ANKAR: variants seen among roughly 807,000 people sequenced by gnomAD.
ANKAR encodes the protein ankyrin and armadillo repeat-containing protein.
A neutral mutation model predicts 146.2 loss-of-function variants in ANKAR; 136 were observed. The ratio of observed to expected loss-of-function variants is 0.93; its 90% CI spans 0.81 to 1.07. The LOEUF is 1.07. ANKAR is among the 50% of genes least tolerant of loss of function. The probability of loss-of-function intolerance (pLI) is 0.00; values close to 1 mark genes in which losing one functional copy is unlikely to be tolerated. For missense variants in ANKAR, 1,567 were observed against 1,679.9 expected (o/e 0.93, Z 1.18); for synonymous variants, 500 against 575.8 (o/e 0.87, Z 1.88).
Position 189,733,088 on chromosome 2 carries a change from C to G in ANKAR, c.3301-19C>G. The G allele has an allele frequency of 6.3e-7, 1 of 1,590,832 alleles. No homozygotes were observed. The highest frequency in any genetic ancestry group is 8.5e-7 in the Non-Finnish European group (1 of 1,170,016). On this transcript the variant is annotated intron_variant, in intron 16 of 22. Coordinates refer to ENST00000684021, the MANE Select transcript of ANKAR (RefSeq NM_001378068.1). ...ATAAAGCATAATTGAAAAGTAATTTCTGAAAACCACATGTTTAGGTTGAAG... is the reference window on the plus strand; with the variant it reads ...ATAAAGCATAATTGAAAAGTAATTTGTGAAAACCACATGTTTAGGTTGAAG...
At position 189,693,195 on chromosome 2, in the gene ANKAR, AT is replaced by A. The variant is rs777575190; in HGVS notation, c.1307+20del. On this transcript the variant is annotated intron_variant, in intron 5 of 22. Coordinates refer to ENST00000684021, the MANE Select transcript of ANKAR (RefSeq NM_001378068.1). Reference sequence around the variant, plus strand: ...GGAAAAAGGTACGGAGCTTTCACTAATTACTGACATTAACTACAATTTTTTG... The same window carrying A: ...GGAAAAAGGTACGGAGCTTTCACTAATACTGACATTAACTACAATTTTTTG... 3 of 1,448,488 alleles carry A rather than the reference AT, an allele frequency of 2.1e-6. No homozygotes were observed. Among genetic ancestry groups the A allele is most frequent in the Non-Finnish European group, 1.9e-6 (2 of 1,054,314 alleles). 89.7% of individuals were successfully genotyped at this position (1,448,488 alleles called of 1,614,324 possible). A position where few individuals can be genotyped will look rare whatever the true frequency, so the allele number is the denominator to read the frequency against.
chr2:189,710,030 C>T (rs1012410551), intron 9 of ANKAR, among the ~76,000 whole-genome samples: 1 of 152,168 alleles, frequency 6.6e-6, no homozygotes, highest in Non-Finnish European at 1.5e-5. Context: ...CCTGCAATAG[C>T]TCTCCCTCCT....
rs1196027369 is a variant in ANKAR, at chr2:189,689,582, GA to G, written c.659del (p.Asn220MetfsTer18). On this transcript the variant is annotated frameshift_variant, in exon 3 of 23. Coordinates refer to ENST00000684021, the MANE Select transcript of ANKAR (RefSeq NM_001378068.1). LOFTEE classifies it high-confidence loss of function. ...TTAATGAAATCTATGATGAAGACGT[GA>G]ATGAAGATCCAACATATGATCCCAA... The part of the protein sequence containing the change: ...DFNEIYDEDV[N>X]EDPTYDPNSP... 5 of 1,611,812 alleles carry G rather than the reference GA, an allele frequency of 3.1e-6. No homozygotes were observed. The African/African-American group carries it at 5.3e-5, about 17-fold the overall frequency.
downstream of ANKAR, chr2:189,750,387 A>G: frequency 7.3e-6 from 3 of 412,506 alleles, no homozygotes; most frequent in South Asian, 4.7e-5. Flanking sequence ...GAAAAAAACT[A>G]TCTTCCCTTG....
At chr2:189,709,269 T>C (rs539567081) in intron 9 of ANKAR, among the ~76,000 whole-genome samples, 2 of 152,248 alleles carry the variant, frequency 1.3e-5, no homozygotes, top group African/African-American at 4.8e-5. Context: ...AAGAGCAACG[T>C]TGAAAGAGTT....
At chr2:189,742,627 T>C (rs552859308) in intron 20 of ANKAR, among the ~76,000 whole-genome samples, 25 of 152,238 alleles carry the variant, frequency 1.6e-4, no homozygotes, top group African/African-American at 6.0e-4. Flanking sequence ...TCAGCTTTCC[T>C]ATGTGTACCA....
At position 189,730,537 on chromosome 2, in the gene ANKAR, T is replaced by C; in HGVS notation, c.3236T>C (p.Val1079Ala). 1.2e-6 allele frequency: 2 copies of C among 1,605,084 alleles called. No homozygotes were observed. Among genetic ancestry groups the C allele is most frequent in the Non-Finnish European group, 1.7e-6 (2 of 1,174,954 alleles). Reference protein sequence around the residue: ...TSNPVSQQLVVDENAFPVLIQ... With the variant: ...TSNPVSQQLVADENAFPVLIQ... ...AATCCTGTCAGTCAACAATTGGTTGTAGATGAAAATGCCTTTCCAGTACTT... is the reference window on the plus strand; with the variant it reads ...AATCCTGTCAGTCAACAATTGGTTGCAGATGAAAATGCCTTTCCAGTACTT... The change falls in exon 16 of 23, where the codon GTA becomes GCA. Residue 1079 changes from valine (V) to alanine (A), a missense_variant. Coordinates refer to ENST00000684021, the MANE Select transcript of ANKAR (RefSeq NM_001378068.1).
downstream of ANKAR, chr2:189,761,340 ACTTTTAT>A (rs2047043119): frequency 6.9e-7 from 1 of 1,451,540 alleles, no homozygotes; most frequent in Admixed American, 2.6e-5. Flanking sequence ...GCTCCTGAAA[ACTTTTAT>A]ATATGACAAA....
At chr2:189,729,106 AAGTTTAAG>A (rs2042155200) in intron 15 of ANKAR, among the ~76,000 whole-genome samples, 1 of 152,196 alleles carries the variant, frequency 6.6e-6, no homozygotes, top group South Asian at 2.1e-4. Context: ...TCTCTTTTTT[AAGTTTAAG>A]AGAAAAATAG....
intron 3 of ANKAR, 40 bp from the exon 4 acceptor site, chr2:189,692,214 CT>C (rs1322153791): frequency 2.5e-5 from 38 of 1,520,078 alleles, no homozygotes; most frequent in Non-Finnish European, 3.3e-5. Context: ...ACTTTATGTG[CT>C]GTTCACTTTT....
intron 3 of ANKAR, among the ~76,000 whole-genome samples, chr2:189,690,210 A>G (rs1018990738): frequency 6.6e-6 from 1 of 152,204 alleles, no homozygotes; most frequent in African/African-American, 2.4e-5. Flanking sequence ...TAAGTTCTGT[A>G]TGAATAGGGA....
chr2:189,752,611 A>T (rs1328652753), intron 18 of ANKAR: 1 of 1,598,162 alleles, frequency 6.3e-7, no homozygotes, highest in Non-Finnish European at 8.6e-7. Flanking sequence ...CTTTGTCTTA[A>T]GTAATGTAAC....
intron 2 of ANKAR, among the ~76,000 whole-genome samples, chr2:189,689,326 G>T (rs1483384523): frequency 1.3e-5 from 2 of 152,228 alleles, no homozygotes; most frequent in East Asian, 3.9e-4. Flanking sequence ...TTTCTTTGGG[G>T]TCCCCTTGCC....
chr2:189,681,690 T>C (rs2034714310), intron 2 of ANKAR, among the ~76,000 whole-genome samples: 1 of 152,220 alleles, frequency 6.6e-6, no homozygotes, highest in Non-Finnish European at 1.5e-5. Context: ...CTGCTTGTCA[T>C]ATTTACCCTT....
rs777569562 is a variant in ANKAR at position 189,689,831 on chromosome 2, CTT to C, written c.908_909del (p.Phe303Ter). The C allele has an allele frequency of 2.5e-6, 4 of 1,604,728 alleles. No individual in the cohort carries two copies. The highest frequency in any genetic ancestry group is 3.4e-6 in the Non-Finnish European group (4 of 1,176,270). ...YLQKKIIQKH[F>X]EKKKDIRRGI... Reference sequence around the variant, plus strand: ...TTCAAAAAAAGATTATTCAAAAACACTTTGAGAAGAAAAAAGATATCAGAAGA... The same window carrying C: ...TTCAAAAAAAGATTATTCAAAAACACTGAGAAGAAAAAAGATATCAGAAGA... On this transcript the variant is annotated frameshift_variant, in exon 3 of 23. Coordinates refer to ENST00000684021, the MANE Select transcript of ANKAR (RefSeq NM_001378068.1). LOFTEE classifies it high-confidence loss of function.
chr2:189,739,048 G>A (rs2043103239), intron 19 of ANKAR, among the ~76,000 whole-genome samples: 1 of 152,156 alleles, frequency 6.6e-6, no homozygotes, highest in African/African-American at 2.4e-5. Flanking sequence ...ACCTCTGTCT[G>A]GTTTCCTTTT....
rs539680437 is a variant in ANKAR, at chr2:189,696,895, A to T, written c.1708+526A>T. ...TATTACATATATTTAAATTACATTT[A>T]ATAACAAAAAATTTCTTTATCATAA... On this transcript the variant is annotated intron_variant, in intron 7 of 22. Coordinates refer to ENST00000684021, the MANE Select transcript of ANKAR (RefSeq NM_001378068.1). 5.9e-5 allele frequency among the ~76,000 whole-genome samples: 9 copies of T among 152,302 alleles called. No individual in the cohort carries two copies. The South Asian group carries it at 1.9e-3, about 32-fold the overall frequency.
intron 7 of ANKAR, 76 bp from the exon 8 acceptor site, chr2:189,704,947 A>G (rs1574494242): frequency 2.2e-6 from 3 of 1,369,312 alleles, no homozygotes. Context: ...CTGTGGCTGG[A>G]TATCAATAAG....
At chr2:189,706,448 G>C (rs1022028686) in intron 8 of ANKAR, among the ~76,000 whole-genome samples, 1 of 152,082 alleles carries the variant, frequency 6.6e-6, no homozygotes, top group African/African-American at 2.4e-5. Context: ...GCACTGGATA[G>C]CCAAACAAAA....
Sources: allele counts gnomAD v4.1 joint callset (sites outside exome capture counted in the v4.1 genomes callset), GRCh38; gene constraint gnomAD v4.1.1; transcripts MANE v1.5; gene names NCBI Gene and HGNC (gene_info 2026-07-23, HGNC 2026-07-21).